Variants in LRP1B observed in about 807,000 individuals in gnomAD.
LRP1B encodes the protein low-density lipoprotein receptor-related protein 1B.
Under a neutral mutation model 556.6 loss-of-function variants are expected in LRP1B, and 217 were observed. The ratio of observed to expected loss-of-function variants is 0.39; its 90% CI spans 0.35 to 0.44. The LOEUF is 0.44. LRP1B is among the 20% of genes least tolerant of loss of function. The pLI, the probability that LRP1B is intolerant of heterozygous loss-of-function variation, is 1.00. For synonymous variants in LRP1B, 2,047 were observed against 1,865.8 expected, an observed-to-expected ratio of 1.10 and a Z score of -2.50; for missense variants, 5,053 against 5,620.8, an observed-to-expected ratio of 0.90 and a Z score of 3.23.
Position 140,642,563 on chromosome 2 carries a change from C to T in LRP1B, c.6800-40924G>A, listed in dbSNP as rs1441965425. On this transcript the variant is annotated intron_variant, in intron 41 of 90. Coordinates refer to ENST00000389484, the MANE Select transcript of LRP1B (RefSeq NM_018557.3). Reference sequence around the variant, plus strand: ...CTCACATAGGAAGGGACTAAGAGGCCGGGCACGGTGGCTCACACCTGTAAT... The same window carrying T: ...CTCACATAGGAAGGGACTAAGAGGCTGGGCACGGTGGCTCACACCTGTAAT... 1.3e-5 allele frequency among the ~76,000 whole-genome samples: 2 copies of T among 152,046 alleles called. 1 individual carries two copies. The highest frequency in any genetic ancestry group is 4.8e-5 in the African/African-American group (2 of 41,398).
rs184406268 is a variant in LRP1B at position 141,690,995 on chromosome 2, G to A, written c.205+119284C>T. On this transcript the variant is annotated intron_variant, in intron 2 of 90. Transcript: ENST00000389484. Reference sequence around the variant, plus strand: ...AAATGTAATTTAATTTAATTTCTTCGGGGGAAGCCAACAATTTATTGATGT... The same window carrying A: ...AAATGTAATTTAATTTAATTTCTTCAGGGGAAGCCAACAATTTATTGATGT... Among the ~76,000 whole-genome samples the A allele has an allele frequency of 2.2e-3, 334 of 151,774 alleles. 1 individual carries two copies. Among genetic ancestry groups the A allele is most frequent in the Non-Finnish European group, 2.3e-3 (153 of 67,876 alleles).
At chr2:140,856,027 T>C (rs1205674659) in intron 27 of LRP1B, among the ~76,000 whole-genome samples, 1 of 152,194 alleles carries the variant, frequency 6.6e-6, no homozygotes, top group East Asian at 1.9e-4. Context: ...TTCCTCACCT[T>C]TGAATGATTG....
intron 35 of LRP1B, among the ~76,000 whole-genome samples, chr2:140,766,619 A>ATTGATG (rs2104927571): frequency 8.9e-6 from 1 of 112,668 alleles, no homozygotes; most frequent in Admixed American, 9.1e-5. Context: ...AGCTCTACAG[A>ATTGATG]CTGATGATGA....
At chr2:140,260,152 T>C (rs1292558423) in intron 86 of LRP1B, among the ~76,000 whole-genome samples, 1 of 151,964 alleles carries the variant, frequency 6.6e-6, no homozygotes, top group African/African-American at 2.4e-5. Context: ...AGAATTGTTC[T>C]TGCTATGGGC....
intron 27 of LRP1B, among the ~76,000 whole-genome samples, chr2:140,865,744 A>T (rs539304741): frequency 6.6e-6 from 1 of 152,230 alleles, no homozygotes; most frequent in African/African-American, 2.4e-5. Flanking sequence ...ATCCTGGGAA[A>T]ATATGTTAAA....
chr2:140,303,348 C>T (rs184389877), intron 83 of LRP1B, among the ~76,000 whole-genome samples: 63 of 151,934 alleles, frequency 4.1e-4, no homozygotes, highest in Admixed American at 9.2e-4. Context: ...CCCGGGTTCA[C>T]GCAATTCTGC....
intron 50 of LRP1B, among the ~76,000 whole-genome samples, chr2:140,515,907 T>C (rs1306492694): frequency 6.6e-6 from 1 of 152,074 alleles, no homozygotes; most frequent in Admixed American, 6.6e-5. Flanking sequence ...ACTCTATCTA[T>C]TCACCACAGT....
At chr2:142,111,821 A>G (rs1320149355) in intron 1 of LRP1B, among the ~76,000 whole-genome samples, 1 of 152,120 alleles carries the variant, frequency 6.6e-6, no homozygotes, top group East Asian at 1.9e-4. Flanking sequence ...CTACTAATAA[A>G]CTTCCTTTAA....
intron 7 of LRP1B, among the ~76,000 whole-genome samples, chr2:141,164,318 A>T (rs577204011): frequency 2.6e-5 from 4 of 152,208 alleles, no homozygotes; most frequent in African/African-American, 9.6e-5. Context: ...TAAAAAGTTG[A>T]CTAACATTGG....
intron 41 of LRP1B, among the ~76,000 whole-genome samples, chr2:140,625,580 C>T (rs114474869): frequency 0.041 from 6,258 of 152,228 alleles, 176 homozygotes; most frequent in Middle Eastern, 0.082. Flanking sequence ...AATGCCTTAA[C>T]AGACACCTCA....
chr2:140,595,541 A>G (rs188060723), intron 43 of LRP1B, among the ~76,000 whole-genome samples: 3 of 152,266 alleles, frequency 2.0e-5, no homozygotes, highest in Admixed American at 2.0e-4. Context: ...TACTTCCTCA[A>G]CTAGATATGG....
chr2:141,909,490 C>T lies in LRP1B; in HGVS notation c.83-99089G>A, dbSNP rs1479309778. ...CCTTGCATGGGGTAACTGGTTCAGG[C>T]ATCTGGGTTAATTTAATCAGACTAA... On this transcript the variant is annotated intron_variant, in intron 1 of 90. Transcript: ENST00000389484. Among the ~76,000 whole-genome samples the T allele has an allele frequency of 2.1e-5, 3 of 146,050 alleles. No homozygotes were observed. In the Admixed American group the frequency reaches 2.1e-4, roughly 10 times the overall value.
intron 2 of LRP1B, among the ~76,000 whole-genome samples, chr2:141,536,220 C>A (rs1040500098): frequency 6.6e-6 from 1 of 152,042 alleles, no homozygotes; most frequent in Non-Finnish European, 1.5e-5. Flanking sequence ...TTTAGCATTT[C>A]ATCATTCATT....
intron 2 of LRP1B, among the ~76,000 whole-genome samples, chr2:141,709,489 C>T (rs935472447): frequency 2.6e-5 from 4 of 151,982 alleles, no homozygotes; most frequent in East Asian, 1.9e-4. Flanking sequence ...GTAAAGATAC[C>T]GAGGAAGTAC....
chr2:140,819,560 T>G (rs1691247216), intron 31 of LRP1B, among the ~76,000 whole-genome samples: 1 of 151,912 alleles, frequency 6.6e-6, no homozygotes, highest in African/African-American at 2.4e-5. Flanking sequence ...AGAAGAAAAC[T>G]TCACAGAAAA....
chr2:141,363,890 CGT>C (rs1688924780), intron 3 of LRP1B, among the ~76,000 whole-genome samples: 1 of 152,058 alleles, frequency 6.6e-6, no homozygotes, highest in African/African-American at 2.4e-5. Flanking sequence ...TTTGTTAAAA[CGT>C]ATATTTATTC....
chr2:140,577,931 A>T (rs59559230), intron 43 of LRP1B, among the ~76,000 whole-genome samples: 2 of 151,922 alleles, frequency 1.3e-5, no homozygotes, highest in East Asian at 3.9e-4. Context: ...TTTAAAGATG[A>T]GTTTTTAACC....
chr2:142,062,413 G>T (rs1180464430), intron 1 of LRP1B, among the ~76,000 whole-genome samples: 1 of 151,678 alleles, frequency 6.6e-6, no homozygotes, highest in South Asian at 2.1e-4. Context: ...CATGAAGCCT[G>T]CCAATCAAAA....
intron 74 of LRP1B, among the ~76,000 whole-genome samples, 158 bp downstream of exon 74, chr2:140,357,821 G>C (rs1331670470): frequency 6.6e-6 from 1 of 151,678 alleles, no homozygotes; most frequent in African/African-American, 2.4e-5. Context: ...CTGAAATTAA[G>C]TAATATTCTA....
Sources: gnomAD v4.1 joint callset for allele counts (sites outside exome capture counted in the v4.1 genomes callset) on GRCh38, gnomAD v4.1.1 for gene constraint, MANE v1.5 for transcripts, NCBI Gene and HGNC (gene_info 2026-07-23, HGNC 2026-07-21) for gene names.